The following AGPS variants were observed in gnomAD, a reference collection of about 807,000 sequenced individuals.
AGPS encodes the protein alkylglycerone phosphate synthase.
AGPS carries 26 observed loss-of-function variants against 90.7 expected under a neutral mutation model. The ratio of observed to expected loss-of-function variants is 0.29; its 90% confidence interval spans 0.21 to 0.40. AGPS has a LOEUF of 0.40. Ranked by LOEUF, AGPS falls within the 10% of genes least tolerant of loss-of-function variation. AGPS has a pLI of 1.00. For synonymous variants in AGPS, 294 were observed against 285.3 expected (o/e 1.03, Z -0.31); for missense variants, 540 against 816.1 (o/e 0.66, Z 4.12).
At chr2:177,476,038 G>C (rs6742951) in intron 10 of AGPS, among the ~76,000 whole-genome samples, 107,630 of 151,622 alleles carry the variant, frequency 0.71, 38,534 homozygotes, top group Admixed American at 0.78. Context: ...TTTATTTCCA[G>C]TTCTAGTGAT....
chr2:177,535,982 T>C (rs751127343), intron 19 of AGPS, among the ~76,000 whole-genome samples: 8 of 152,102 alleles, frequency 5.3e-5, no homozygotes. Flanking sequence ...CATAGAAAAT[T>C]TGACAAGATA....
intron 1 of AGPS, among the ~76,000 whole-genome samples, chr2:177,412,364 G>A (rs1229743253): frequency 6.6e-6 from 1 of 152,104 alleles, no homozygotes; most frequent in Non-Finnish European, 1.5e-5. Context: ...AGTTCGGGAC[G>A]ACAGCTTTCT....
chr2:177,438,174 A>G (rs1312737343), intron 5 of AGPS, among the ~76,000 whole-genome samples: 3 of 152,218 alleles, frequency 2.0e-5, no homozygotes, highest in East Asian at 3.8e-4. Flanking sequence ...ACTTCCCACA[A>G]GAAACCTAAT....
chr2:177,424,884 A>C (rs2105614377), intron 2 of AGPS, among the ~76,000 whole-genome samples: 1 of 152,206 alleles, frequency 6.6e-6, no homozygotes, highest in East Asian at 1.9e-4. Context: ...TCTTCTTTTG[A>C]GAAGTGTCTG....
chr2:177,445,097 T>C (rs533403008), intron 7 of AGPS, among the ~76,000 whole-genome samples: 28 of 152,364 alleles, frequency 1.8e-4, no homozygotes, highest in Non-Finnish European at 3.7e-4. Context: ...TTAAATTAGA[T>C]AGTGATTGCT....
chr2:177,477,952 A>G (rs917933499), intron 10 of AGPS, among the ~76,000 whole-genome samples: 4 of 152,236 alleles, frequency 2.6e-5, no homozygotes, highest in African/African-American at 9.6e-5. Context: ...ATAAAATAGA[A>G]GAAGACTCAA....
At chr2:177,510,821 C>T (rs930044989) in intron 16 of AGPS, among the ~76,000 whole-genome samples, 4 of 152,140 alleles carry the variant, frequency 2.6e-5, no homozygotes, top group Non-Finnish European at 5.9e-5. Context: ...GACATGTTTG[C>T]AGTAGCCCAT....
intron 2 of AGPS, among the ~76,000 whole-genome samples, chr2:177,429,971 C>G (rs1268165165): frequency 6.6e-6 from 1 of 152,240 alleles, no homozygotes; most frequent in East Asian, 1.9e-4. Flanking sequence ...AGAGTTCTGT[C>G]TGTGTCACCC....
intron 3 of AGPS, among the ~76,000 whole-genome samples, chr2:177,435,074 G>C (rs1172164159): frequency 6.8e-6 from 1 of 146,086 alleles, no homozygotes; most frequent in Non-Finnish European, 1.5e-5. Context: ...TTTTTGTTGT[G>C]TTTTTATTAT....
At position 177,542,228 on chromosome 2, in the gene AGPS, C is replaced by T. The variant is rs1483407378; in HGVS notation, c.*4033C>T. 4 of 152,106 alleles carry T rather than the reference C, an allele frequency of 2.6e-5. No homozygotes were observed. Among genetic ancestry groups the T allele is most frequent in the Non-Finnish European group, 5.9e-5 (4 of 68,012 alleles). The allele number at this position is 152,106 out of a possible 1,614,324, so 9.4% of individuals were successfully genotyped here. On this transcript the variant is annotated 3_prime_UTR_variant, in exon 20 of 20. Transcript: ENST00000264167. ...GTGCAACCTACTTGTGACTAAATCT[C>T]TTTGGATTTATAGCTGAGGATATTG...
chr2:177,507,207 G>A (rs1477997589), intron 15 of AGPS, among the ~76,000 whole-genome samples: 1 of 151,806 alleles, frequency 6.6e-6, no homozygotes, highest in East Asian at 1.9e-4. Context: ...AAACACAGGT[G>A]GGTTGAAATG....
intron 1 of AGPS, among the ~76,000 whole-genome samples, chr2:177,395,665 A>G (rs1357239012): frequency 6.6e-6 from 1 of 152,250 alleles, no homozygotes. Context: ...ACCACAGTAT[A>G]TATCTAATAA....
At chr2:177,472,663 TGA>T (rs1194944619) in intron 10 of AGPS, among the ~76,000 whole-genome samples, 13 of 152,188 alleles carry the variant, frequency 8.5e-5, no homozygotes, top group Non-Finnish European at 1.9e-4. Context: ...GCTCCTATTT[TGA>T]GAGTGTTCTT....
At chr2:177,440,214 C>A (rs1403385930) in intron 5 of AGPS, among the ~76,000 whole-genome samples, 1 of 151,982 alleles carries the variant, frequency 6.6e-6, no homozygotes, top group East Asian at 1.9e-4. Flanking sequence ...GGTATTTGAA[C>A]AATTAATACC....
At chr2:177,533,243 G>A (rs2079153729) in intron 19 of AGPS, among the ~76,000 whole-genome samples, 1 of 152,128 alleles carries the variant, frequency 6.6e-6, no homozygotes, top group Non-Finnish European at 1.5e-5. Context: ...TAGAGTGTAA[G>A]AACATACTGT....
intron 13 of AGPS, 95 bp downstream of exon 13, chr2:177,497,860 A>C: frequency 1.8e-6 from 1 of 552,458 alleles, no homozygotes; most frequent in South Asian, 2.9e-5. Context: ...GTGTTTTTCC[A>C]TGTTGCTATG....
chr2:177,410,803 C>T (rs1021302644), intron 1 of AGPS, among the ~76,000 whole-genome samples: 1 of 152,152 alleles, frequency 6.6e-6, no homozygotes, highest in African/African-American at 2.4e-5. Context: ...TGGCGCTTAC[C>T]CCAGGCACCC....
Position 177,462,403 on chromosome 2 carries a change from AAAG to A in AGPS, c.996+388_996+390del, listed in dbSNP as rs1461398559. On this transcript the variant is annotated intron_variant, in intron 9 of 19. Transcript: ENST00000264167. Reference sequence around the variant, plus strand: ...GCGAGATTCTGTCTCAAAAAAAAAAAAAGAAAAAAGAAAAAGAGTTGGATGGTA... The same window carrying A: ...GCGAGATTCTGTCTCAAAAAAAAAAAAAAAAAGAAAAAGAGTTGGATGGTA... Among the ~76,000 whole-genome samples, 13 of 150,232 alleles carry A rather than the reference AAAG, an allele frequency of 8.7e-5. 1 individual carries two copies. Among genetic ancestry groups the A allele is most frequent in the African/African-American group, 9.8e-5 (4 of 40,986 alleles).
intron 2 of AGPS, among the ~76,000 whole-genome samples, chr2:177,433,516 G>A (rs1440446894): frequency 6.6e-6 from 1 of 152,034 alleles, no homozygotes; most frequent in Non-Finnish European, 1.5e-5. Context: ...CCAGTATCTT[G>A]GGTCATTTTG....
Sources: gnomAD v4.1 joint callset for allele counts (sites outside exome capture counted in the v4.1 genomes callset) on GRCh38, gnomAD v4.1.1 for gene constraint, MANE v1.5 for transcripts, NCBI Gene and HGNC (gene_info 2026-07-23, HGNC 2026-07-21) for gene names.